The following MOB1A variants were observed in gnomAD, a reference collection of about 807,000 sequenced individuals.
The protein encoded by MOB1A is MOB1 Mps One Binder homolog A.
A neutral mutation model predicts 25.1 loss-of-function variants in MOB1A; 10 were observed. The ratio of observed to expected loss-of-function variants is 0.40; its 90% confidence interval spans 0.25 to 0.68. The LOEUF (loss-of-function observed/expected upper bound fraction) is 0.68. MOB1A is among the 30% of genes least tolerant of loss of function. The pLI, the probability that MOB1A is intolerant of heterozygous loss-of-function variation, is 0.40. For synonymous variants in MOB1A, 81 were observed against 79.5 expected (o/e 1.02, Z -0.10); for missense variants, 177 against 256.3 (o/e 0.69, Z 2.11).
chr2:74,173,965 A>AAAAAG (rs1558839242), intron 1 of MOB1A, among the ~76,000 whole-genome samples: 7 of 137,794 alleles, frequency 5.1e-5, no homozygotes, highest in Non-Finnish European at 6.1e-5. Context: ...AAAAAAAAAA[A>AAAAAG]AAAAGAAAAT....
At chr2:74,167,802 G>A (rs1693174012) in intron 2 of MOB1A, among the ~76,000 whole-genome samples, 1 of 152,146 alleles carries the variant, frequency 6.6e-6, no homozygotes, top group Non-Finnish European at 1.5e-5. Flanking sequence ...CTGCCCTGGA[G>A]TCTCTAGCTA....
At chr2:74,159,879 T>C (rs1692916654) in intron 4 of MOB1A, among the ~76,000 whole-genome samples, 1 of 135,356 alleles carries the variant, frequency 7.4e-6, no homozygotes, top group South Asian at 2.5e-4. Flanking sequence ...TTCAGTAGCA[T>C]GATCATGGTT....
chr2:74,163,731 A>C (rs1693044191), intron 4 of MOB1A, among the ~76,000 whole-genome samples: 1 of 152,208 alleles, frequency 6.6e-6, no homozygotes, highest in African/African-American at 2.4e-5. Flanking sequence ...AAAGACATAA[A>C]ATCCCTAGAA....
rs1474509716 is a variant in MOB1A at position 74,153,391 on chromosome 2, AGATTGTTCCTCTTG to A, written c.*3163_*3176del. ...TTGACAAAACTTAGTACTACCACCA[AGATTGTTCCTCTTG>A]CCTTGGCACTACTAAAAAACTTTAC... is the stretch of plus-strand genomic sequence containing the variant. On this transcript the variant is annotated 3_prime_UTR_variant, in exon 6 of 6. Coordinates refer to ENST00000396049, the MANE Select transcript of MOB1A (RefSeq NM_018221.5). 20 of 152,220 alleles carry A rather than the reference AGATTGTTCCTCTTG, an allele frequency of 1.3e-4. No homozygotes were observed. Among genetic ancestry groups the A allele is most frequent in the Admixed American group, 1.3e-3 (20 of 15,284 alleles). 9.4% of individuals were successfully genotyped at this position (152,220 alleles called of 1,614,324 possible). A position where few individuals can be genotyped will look rare whatever the true frequency, so the allele number is the denominator to read the frequency against.
rs767764763 is a variant in MOB1A, at chr2:74,167,088, C to T, written c.201G>A (p.Gln67=). 1 of 1,613,690 alleles carries T rather than the reference C, an allele frequency of 6.2e-7. No individual in the cohort carries two copies. Among genetic ancestry groups the T allele is most frequent in the Non-Finnish European group, 8.5e-7 (1 of 1,179,682 alleles). ...IAVNTVDFFN[Q]INMLYGTITE... is the part of the protein sequence containing the mutation. ...TAATAGTTCCATATAACATGTTGAT[C>T]TGGTTAAAGAAATCCACAGCTGCAG... is the stretch of plus-strand genomic sequence containing the variant. Residue 67 remains glutamine (Q), a synonymous_variant, in exon 3 of 6, where the codon CAG becomes CAA. Coordinates refer to ENST00000396049, the MANE Select transcript of MOB1A (RefSeq NM_018221.5).
intron 1 of MOB1A, among the ~76,000 whole-genome samples, chr2:74,174,596 T>G (rs1693398812): frequency 6.6e-6 from 1 of 152,182 alleles, no homozygotes; most frequent in Non-Finnish European, 1.5e-5. Context: ...AACTCGTTAT[T>G]GAGGAAAAAA....
rs1251192795 is a variant in MOB1A, at chr2:74,154,058, G to A, written c.*2510C>T. ...TAGAAAAAATTAGCTGGGCGTGGTG[G>A]CGGGCACCTGTAGTTCCAGCTACTC... On this transcript the variant is annotated 3_prime_UTR_variant, in exon 6 of 6. Transcript: ENST00000396049. 1 of 152,126 alleles carries A rather than the reference G, an allele frequency of 6.6e-6. No homozygotes were observed. Among genetic ancestry groups the A allele is most frequent in the Admixed American group, 6.6e-5 (1 of 15,264 alleles). 9.4% of individuals were successfully genotyped at this position (152,126 alleles called of 1,614,324 possible).
chr2:74,159,302 A>T, intron 4 of MOB1A, 48 bp from the exon 5 acceptor site: 1 of 1,552,924 alleles, frequency 6.4e-7, no homozygotes, highest in Non-Finnish European at 8.8e-7. Flanking sequence ...ATCTAACAGT[A>T]GAAAGTTGTT....
chr2:74,155,033 A>G lies in MOB1A; in HGVS notation c.*1535T>C, dbSNP rs1033957617. On this transcript the variant is annotated 3_prime_UTR_variant, in exon 6 of 6. Transcript: ENST00000396049. ...ATAGTTTAGTGGAGTAAGAAAAATA[A>G]ATCTAAAAAAAAACATCAAATCTAA... The G allele has an allele frequency of 2.4e-4, 36 of 152,314 alleles. No homozygotes were observed. The highest frequency in any genetic ancestry group is 7.9e-4 in the African/African-American group (33 of 41,570). 9.4% of individuals were successfully genotyped at this position (152,314 alleles called of 1,614,324 possible).
Position 74,160,654 on chromosome 2 carries a change from C to T in MOB1A, c.410-1400G>A, listed in dbSNP as rs113199378. ...GGTGGAGGTTGCAGTGAGCCGAGATCGCGCCACTGCACTCCAGCCTGGGTG... is the reference window on the plus strand; with the variant it reads ...GGTGGAGGTTGCAGTGAGCCGAGATTGCGCCACTGCACTCCAGCCTGGGTG... On this transcript the variant is annotated intron_variant, in intron 4 of 5. Transcript: ENST00000396049. Among the ~76,000 whole-genome samples, 712 of 150,976 alleles carry T rather than the reference C, an allele frequency of 4.7e-3. 5 individuals are homozygous for T. Among genetic ancestry groups the T allele is most frequent in the African/African-American group, 0.016 (678 of 41,180 alleles).
intron 5 of MOB1A, among the ~76,000 whole-genome samples, 198 bp downstream of exon 5, chr2:74,158,893 C>T (rs1233849244): frequency 1.3e-5 from 2 of 151,954 alleles, no homozygotes; most frequent in Non-Finnish European, 2.9e-5. Flanking sequence ...GCAGAAGGCC[C>T]AAATGGGGGT....
At chr2:74,175,184 T>C (rs982040057) in intron 1 of MOB1A, among the ~76,000 whole-genome samples, 1 of 152,244 alleles carries the variant, frequency 6.6e-6, no homozygotes, top group Non-Finnish European at 1.5e-5. Flanking sequence ...CTAAATTGCA[T>C]GTGCCTTATG....
In MOB1A at chr2:74,156,481, T is replaced by G; in HGVS notation, c.*87A>C. On this transcript the variant is annotated 3_prime_UTR_variant, in exon 6 of 6. Coordinates refer to ENST00000396049, the MANE Select transcript of MOB1A (RefSeq NM_018221.5). ...ATCTTTTTATCCTGTTTTCTTAAAG[T>G]TTGTATCACTAGTCTATAACAGATA... 1 of 979,822 alleles carries G rather than the reference T, an allele frequency of 1.0e-6. No homozygotes were observed. 60.7% of individuals were successfully genotyped at this position (979,822 alleles called of 1,614,324 possible). A position where few individuals can be genotyped will look rare whatever the true frequency, so the allele number is the denominator to read the frequency against.
In MOB1A at chr2:74,152,581, C is replaced by T. The variant is rs954803562; in HGVS notation, c.*3987G>A. Reference sequence around the variant, plus strand: ...ATAGAAATGTGTGTTGATATACATACTTTAATCAGTCATTTCTTGCTTTCA... The same window carrying T: ...ATAGAAATGTGTGTTGATATACATATTTTAATCAGTCATTTCTTGCTTTCA... On this transcript the variant is annotated 3_prime_UTR_variant, in exon 6 of 6. Coordinates refer to ENST00000396049, the MANE Select transcript of MOB1A (RefSeq NM_018221.5). The T allele has an allele frequency of 8.5e-5, 13 of 152,168 alleles. No individual in the cohort carries two copies. The highest frequency in any genetic ancestry group is 6.5e-4 in the Admixed American group (10 of 15,276). The allele number at this position is 152,168 out of a possible 1,614,324, so 9.4% of individuals were successfully genotyped here.
At chr2:74,165,025 A>C (rs907884733) in intron 4 of MOB1A, 193 bp downstream of exon 4, 9 of 336,128 alleles carry the variant, frequency 2.7e-5, no homozygotes, top group Non-Finnish European at 4.8e-5. Flanking sequence ...TTTATCATTC[A>C]AAAAGAGAAA....
At chr2:74,166,419 T>A (rs1300398191) in intron 3 of MOB1A, among the ~76,000 whole-genome samples, 1 of 152,212 alleles carries the variant, frequency 6.6e-6, no homozygotes, top group Non-Finnish European at 1.5e-5. Flanking sequence ...AATAAAATGT[T>A]TGCAATTCAA....
chr2:74,167,167 A>G, intron 2 of MOB1A, 60 bp from the exon 3 acceptor site: 1 of 1,308,930 alleles, frequency 7.6e-7, no homozygotes, highest in Non-Finnish European at 1.1e-6. Flanking sequence ...TGAGACCTCC[A>G]GTTGAAGGAA....
rs1049486357 is a variant in MOB1A at position 74,153,295 on chromosome 2, G to C, written c.*3273C>G. On this transcript the variant is annotated 3_prime_UTR_variant, in exon 6 of 6. Coordinates refer to ENST00000396049, the MANE Select transcript of MOB1A (RefSeq NM_018221.5). Reference sequence around the variant, plus strand: ...CTTATGAGGTAATGATATTATGTTTGAGAAGCTCTACTTCTAGTATACCTC... The same window carrying C: ...CTTATGAGGTAATGATATTATGTTTCAGAAGCTCTACTTCTAGTATACCTC... 5 of 152,174 alleles carry C rather than the reference G, an allele frequency of 3.3e-5. No homozygotes were observed. The highest frequency in any genetic ancestry group is 1.2e-4 in the African/African-American group (5 of 41,446). 9.4% of individuals were successfully genotyped at this position (152,174 alleles called of 1,614,324 possible).
At chr2:74,159,663 T>TA (rs1692904925) in intron 4 of MOB1A, among the ~76,000 whole-genome samples, 1 of 152,160 alleles carries the variant, frequency 6.6e-6, no homozygotes, top group Admixed American at 6.5e-5. Flanking sequence ...TACCTCTGTA[T>TA]ATATTTTTTA....
Sources: allele counts gnomAD v4.1 joint callset (sites outside exome capture counted in the v4.1 genomes callset), GRCh38; gene constraint gnomAD v4.1.1; transcripts MANE v1.5; gene names NCBI Gene and HGNC (gene_info 2026-07-23, HGNC 2026-07-21).